Variants in ATP10A observed in about 807,000 individuals in gnomAD.
The protein encoded by ATP10A is phospholipid-transporting ATPase VA.
Under a neutral mutation model 147.8 loss-of-function variants are expected in ATP10A, and 111 were observed. The ratio of observed to expected loss-of-function variants is 0.75; its 90% CI spans 0.64 to 0.88. The LOEUF is 0.88. Ranked by LOEUF, ATP10A falls within the 40% of genes least tolerant of loss-of-function variation. The pLI is 0.00. For missense variants in ATP10A, 1,927 were observed against 1,959.0 expected (o/e 0.98, Z 0.31); for synonymous variants, 875 against 841.6 (o/e 1.04, Z -0.69).
chr15:25,703,630 T>C (rs189548720), intron 12 of ATP10A, among the ~76,000 whole-genome samples: 62 of 152,222 alleles, frequency 4.1e-4, no homozygotes, highest in Admixed American at 2.9e-3. Context: ...ATGGCAGGCA[T>C]GGGGAGGGGA....
intron 1 of ATP10A, among the ~76,000 whole-genome samples, chr15:25,811,085 A>T (rs184935025): frequency 1.6e-4 from 25 of 152,328 alleles, no homozygotes; most frequent in Middle Eastern, 6.8e-3. Flanking sequence ...CATTGATTAA[A>T]GCCCATGAAC....
intron 7 of ATP10A, among the ~76,000 whole-genome samples, chr15:25,718,900 G>C (rs1388614499): frequency 6.6e-6 from 1 of 152,156 alleles, no homozygotes; most frequent in African/African-American, 2.4e-5. Context: ...CTCCCAGATT[G>C]CACAGCTTGG....
At chr15:25,707,833 C>T (rs1901130205) in intron 12 of ATP10A, 143 bp downstream of exon 12, 1 of 1,208,658 alleles carries the variant, frequency 8.3e-7, no homozygotes, top group Non-Finnish European at 1.1e-6. Context: ...ACCCTCCCGC[C>T]TCGGCTGTGC....
upstream of ATP10A, among the ~76,000 whole-genome samples, chr15:25,863,407 C>G (rs956843825): frequency 6.6e-6 from 1 of 152,018 alleles, no homozygotes; most frequent in African/African-American, 2.4e-5. Flanking sequence ...GGCCACGGCC[C>G]CGCCCTCGTT....
chr15:25,704,763 A>T (rs1455825183), intron 12 of ATP10A, among the ~76,000 whole-genome samples: 1 of 152,252 alleles, frequency 6.6e-6, no homozygotes, highest in Non-Finnish European at 1.5e-5. Context: ...TTTGGGGCAC[A>T]GCGGCTTTCT....
At chr15:25,776,440 CTG>C (rs912213125) in intron 2 of ATP10A, among the ~76,000 whole-genome samples, 30 of 152,168 alleles carry the variant, frequency 2.0e-4, no homozygotes, top group African/African-American at 7.0e-4. Context: ...ACTTAAAATT[CTG>C]TGAAATTGTG....
In ATP10A at chr15:25,819,376, C is replaced by T. The variant is rs557095129; in HGVS notation, c.450-38153G>A. ...TGCAAATTGAAACCCCAATGCGATA[C>T]CTCCTTACACCAACCAGAATGGCAA... is the stretch of plus-strand genomic sequence containing the variant. On this transcript the variant is annotated intron_variant, in intron 1 of 20. Coordinates refer to ENST00000555815, the MANE Select transcript of ATP10A (RefSeq NM_024490.4). 6.6e-5 allele frequency among the ~76,000 whole-genome samples: 10 copies of T among 152,232 alleles called. No homozygotes were observed. In the South Asian group the frequency reaches 1.9e-3, roughly 28 times the overall value.
At chr15:25,819,178 G>A (rs12437810) in intron 1 of ATP10A, among the ~76,000 whole-genome samples, 9,608 of 152,118 alleles carry the variant, frequency 0.063, 406 homozygotes, top group Admixed American at 0.13. Flanking sequence ...AAACTATGCC[G>A]CTGACAGGGG....
intron 1 of ATP10A, among the ~76,000 whole-genome samples, chr15:25,852,923 T>C (rs1216029833): frequency 6.6e-6 from 1 of 152,224 alleles, no homozygotes; most frequent in Non-Finnish European, 1.5e-5. Flanking sequence ...TGTGCTTGCC[T>C]TTTCTCCTGT....
At chr15:25,756,873 T>C (rs1452228501) in intron 2 of ATP10A, among the ~76,000 whole-genome samples, 1 of 152,196 alleles carries the variant, frequency 6.6e-6, no homozygotes, top group East Asian at 1.9e-4. Flanking sequence ...CTGACTAACA[T>C]TTGCATGTTG....
rs149100591 is a variant in ATP10A, at chr15:25,679,814, T to A, written c.4027A>T (p.Thr1343Ser). The change falls in exon 21 of 21, where the codon ACA (threonine) becomes TCA (serine). Residue 1343 changes from threonine (T) to serine (S), a missense_variant. Transcript: ENST00000555815. ...GACAGGGGCACAGAGGTCTTGACTGTCCTCCCTGATGAGTGCTCGGTTCCC... is the reference window on the plus strand; with the variant it reads ...GACAGGGGCACAGAGGTCTTGACTGACCTCCCTGATGAGTGCTCGGTTCCC... ...DSGTEHSSGR[T>S]VKTSVPLSQP... The A allele has an allele frequency of 1.2e-6, 2 of 1,612,328 alleles. No homozygotes were observed. The highest frequency in any genetic ancestry group is 1.7e-6 in the Non-Finnish European group (2 of 1,179,860).
At chr15:25,781,960 A>G (rs911838091) in intron 1 of ATP10A, among the ~76,000 whole-genome samples, 2 of 152,224 alleles carry the variant, frequency 1.3e-5, no homozygotes, top group Admixed American at 6.5e-5. Flanking sequence ...TCCTAGGTCT[A>G]CACTCAGAAG....
chr15:25,687,852 T>C, intron 15 of ATP10A, 24 bp from the exon 16 acceptor site: 1 of 1,613,710 alleles, frequency 6.2e-7, no homozygotes, highest in Non-Finnish European at 8.5e-7. Context: ...GGGATTCCTG[T>C]TACTGGTGAT....
chr15:25,758,542 G>C (rs1366337259), intron 2 of ATP10A, among the ~76,000 whole-genome samples: 57 of 25,658 alleles, frequency 2.2e-3, no homozygotes, highest in Non-Finnish European at 2.6e-3. Flanking sequence ...AACTCATTCC[G>C]ACCACCTGCT....
At chr15:25,756,646 TAA>T (rs55927012) in intron 2 of ATP10A, among the ~76,000 whole-genome samples, 2 of 151,148 alleles carry the variant, frequency 1.3e-5, no homozygotes, top group African/African-American at 2.4e-5. Context: ...CCATCTCAAA[TAA>T]AAAAAAAGAA....
chr15:25,733,072 G>A (rs1887041589), intron 3 of ATP10A, among the ~76,000 whole-genome samples: 1 of 152,164 alleles, frequency 6.6e-6, no homozygotes, highest in African/African-American at 2.4e-5. Flanking sequence ...ACTCAGTTCT[G>A]TTCTCCAAGT....
At chr15:25,727,006 G>A (rs1382209335) in intron 4 of ATP10A, among the ~76,000 whole-genome samples, 154 bp downstream of exon 4, 3 of 148,618 alleles carry the variant, frequency 2.0e-5, no homozygotes, top group South Asian at 2.1e-4. Flanking sequence ...GCAGTGAGCC[G>A]AGATCGCGCC....
At chr15:25,841,596 A>AC (rs1892817582) in intron 1 of ATP10A, 1 of 151,568 alleles carries the variant, frequency 6.6e-6, no homozygotes, top group African/African-American at 2.4e-5. Flanking sequence ...AAAAAAAAAA[A>AC]CATTGCTGAG....
At chr15:25,846,856 G>C in intron 1 of ATP10A, among the ~76,000 whole-genome samples, 1 of 151,988 alleles carries the variant, frequency 6.6e-6, no homozygotes. Context: ...TTTATATTTT[G>C]TATGTTTCAA....
Sources: allele counts gnomAD v4.1 joint callset (sites outside exome capture counted in the v4.1 genomes callset), GRCh38; gene constraint gnomAD v4.1.1; transcripts MANE v1.5; gene names NCBI Gene and HGNC (gene_info 2026-07-23, HGNC 2026-07-21).